The following SNTG1 variants were observed in gnomAD, a reference collection of about 807,000 sequenced individuals.
SNTG1 encodes the protein syntrophin gamma 1.
Under a neutral mutation model 74.7 loss-of-function variants are expected in SNTG1, and 39 were observed. The observed-to-expected ratio is 0.52, with a 90% confidence interval of 0.40 to 0.68. SNTG1 has a LOEUF of 0.68. SNTG1 is among the 30% of genes least tolerant of loss of function. The pLI is 0.00. For missense variants in SNTG1, 685 were observed against 609.5 expected (o/e 1.12, Z -1.30); for synonymous variants, 254 against 217.1 (o/e 1.17, Z -1.49).
At chr8:50,666,388 AG>A (rs1201863823) in intron 15 of SNTG1, among the ~76,000 whole-genome samples, 1 of 152,140 alleles carries the variant, frequency 6.6e-6, no homozygotes, top group East Asian at 1.9e-4. Context: ...AGACCACATC[AG>A]AGTCCTTGCT....
At chr8:50,720,626 G>C (rs1022488539) in intron 17 of SNTG1, among the ~76,000 whole-genome samples, 1 of 152,140 alleles carries the variant, frequency 6.6e-6, no homozygotes, top group Non-Finnish European at 1.5e-5. Context: ...AATAGGATTT[G>C]GTGGGACAGT....
At chr8:50,074,847 G>A (rs575782447) in intron 1 of SNTG1, among the ~76,000 whole-genome samples, 1 of 152,140 alleles carries the variant, frequency 6.6e-6, no homozygotes, top group African/African-American at 2.4e-5. Context: ...CTGCTTGCGA[G>A]GGAGTGGGGA....
intron 1 of SNTG1, among the ~76,000 whole-genome samples, chr8:49,949,715 G>A (rs1809531019): frequency 1.3e-5 from 2 of 152,156 alleles, no homozygotes; most frequent in Non-Finnish European, 2.9e-5. Flanking sequence ...GCCTAAGATT[G>A]CCATACTTCC....
intron 4 of SNTG1, among the ~76,000 whole-genome samples, chr8:50,430,233 G>A (rs2093217886): frequency 6.6e-6 from 1 of 152,030 alleles, no homozygotes; most frequent in Non-Finnish European, 1.5e-5. Flanking sequence ...TAATTTCATG[G>A]CATATGAATT....
At chr8:50,025,315 T>C (rs1817173380) in intron 1 of SNTG1, among the ~76,000 whole-genome samples, 1 of 152,150 alleles carries the variant, frequency 6.6e-6, no homozygotes, top group African/African-American at 2.4e-5. Flanking sequence ...TCTTAATTCA[T>C]CCACCATTCT....
chr8:50,703,616 A>G (rs1051071409), intron 15 of SNTG1, among the ~76,000 whole-genome samples: 6 of 152,190 alleles, frequency 3.9e-5, no homozygotes, highest in African/African-American at 1.4e-4. Flanking sequence ...ATAATACAGT[A>G]AATACATAAA....
chr8:50,133,483 C>G (rs1438463075), intron 1 of SNTG1, among the ~76,000 whole-genome samples: 1 of 152,154 alleles, frequency 6.6e-6, no homozygotes, highest in East Asian at 1.9e-4. Context: ...TGTATTGGCT[C>G]CCTAGGGCTG....
At chr8:50,419,497 G>A (rs927143801) in intron 4 of SNTG1, among the ~76,000 whole-genome samples, 2 of 152,114 alleles carry the variant, frequency 1.3e-5, no homozygotes, top group South Asian at 2.1e-4. Flanking sequence ...AGATTATCTG[G>A]TTGTCTGAAA....
At chr8:50,581,436 T>C (rs189677030) in intron 12 of SNTG1, among the ~76,000 whole-genome samples, 61 of 152,346 alleles carry the variant, frequency 4.0e-4, no homozygotes, top group African/African-American at 1.3e-3. Flanking sequence ...TTTCTACTGA[T>C]ACTTCAGATG....
At chr8:50,267,201 G>GT (rs1311227102) in intron 2 of SNTG1, among the ~76,000 whole-genome samples, 1 of 151,848 alleles carries the variant, frequency 6.6e-6, no homozygotes, top group Non-Finnish European at 1.5e-5. Context: ...ATGTATGAAG[G>GT]TTTTTTTAGG....
chr8:50,766,683 T>C (rs964320790), intron 18 of SNTG1, among the ~76,000 whole-genome samples: 2 of 151,950 alleles, frequency 1.3e-5, no homozygotes, highest in African/African-American at 4.8e-5. Flanking sequence ...AATATACCTA[T>C]TTATTAACAA....
At chr8:50,720,098 G>A (rs903777901) in intron 17 of SNTG1, among the ~76,000 whole-genome samples, 1 of 152,126 alleles carries the variant, frequency 6.6e-6, no homozygotes, top group Non-Finnish European at 1.5e-5. Flanking sequence ...ATTATGTCCA[G>A]TTCAAACATG....
At chr8:50,109,446 A>G (rs2080499799) in intron 1 of SNTG1, among the ~76,000 whole-genome samples, 1 of 152,146 alleles carries the variant, frequency 6.6e-6, no homozygotes, top group Non-Finnish European at 1.5e-5. Flanking sequence ...AGAGTATAAA[A>G]CATGGAGGAA....
chr8:50,749,871 C>CTAA (rs1352807978), intron 17 of SNTG1, among the ~76,000 whole-genome samples: 1 of 152,008 alleles, frequency 6.6e-6, no homozygotes, highest in Non-Finnish European at 1.5e-5. Flanking sequence ...TGCAAGGAGG[C>CTAA]TAATGTCTTC....
chr8:50,400,900 CAGCT>C (rs2092795513), intron 3 of SNTG1, among the ~76,000 whole-genome samples: 1 of 152,084 alleles, frequency 6.6e-6, no homozygotes, highest in African/African-American at 2.4e-5. Flanking sequence ...AGGATGATCA[CAGCT>C]AACAGTAATG....
intron 2 of SNTG1, among the ~76,000 whole-genome samples, chr8:50,196,560 T>A (rs1182210294): frequency 6.6e-6 from 1 of 152,164 alleles, no homozygotes; most frequent in African/African-American, 2.4e-5. Context: ...CTTTCTTTTT[T>A]AATTTCATTC....
At chr8:50,737,654 T>A (rs188142564) in intron 17 of SNTG1, among the ~76,000 whole-genome samples, 17 of 151,954 alleles carry the variant, frequency 1.1e-4, no homozygotes, top group East Asian at 7.8e-4. Context: ...AGTGAGAAAA[T>A]CCTCAATAAA....
At chr8:50,183,962 T>A (rs967971347) in intron 2 of SNTG1, among the ~76,000 whole-genome samples, 3 of 152,166 alleles carry the variant, frequency 2.0e-5, no homozygotes, top group African/African-American at 4.8e-5. Flanking sequence ...TATTCCCGTA[T>A]CCCTTCTTAC....
intron 15 of SNTG1, among the ~76,000 whole-genome samples, chr8:50,669,162 G>A (rs1015266238): frequency 1.3e-5 from 2 of 151,794 alleles, no homozygotes; most frequent in African/African-American, 4.8e-5. Context: ...TCAAAAGCTA[G>A]CAGAAGGCAA....
Sources: gnomAD v4.1 joint callset for allele counts (sites outside exome capture counted in the v4.1 genomes callset) on GRCh38, gnomAD v4.1.1 for gene constraint, MANE v1.5 for transcripts, NCBI Gene and HGNC (gene_info 2026-07-23, HGNC 2026-07-21) for gene names.